ULK4: variants seen among roughly 807,000 people sequenced by gnomAD.
The protein encoded by ULK4 is inactive serine/threonine-protein kinase ULK4.
Under a neutral mutation model 160.6 loss-of-function variants are expected in ULK4, and 133 were observed. The observed-to-expected ratio is 0.83, with a 90% CI of 0.72 to 0.96. The LOEUF (loss-of-function observed/expected upper bound fraction) is 0.96, where lower values mean the gene tolerates loss of function less well. Ranked by LOEUF, ULK4 falls within the 40% of genes least tolerant of loss-of-function variation. The pLI, the probability that ULK4 is intolerant of heterozygous loss-of-function variation, is 0.00. For synonymous variants in ULK4, 534 were observed against 539.8 expected (o/e 0.99, Z 0.15); for missense variants, 1,580 against 1,499.5 (o/e 1.05, Z -0.89).
chr3:41,949,584 C>A (rs1206733860), intron 2 of ULK4, among the ~76,000 whole-genome samples: 26 of 151,274 alleles, frequency 1.7e-4, no homozygotes, highest in Non-Finnish European at 2.9e-5. Flanking sequence ...AGATGCCCAC[C>A]ACCACACCTG....
intron 35 of ULK4, among the ~76,000 whole-genome samples, chr3:41,283,635 G>A (rs143575505): frequency 1.4e-4 from 22 of 152,178 alleles, no homozygotes; most frequent in Non-Finnish European, 2.4e-4. Context: ...TCAAAACCAG[G>A]GCCTCTCAGC....
In ULK4 at chr3:41,754,500, A is replaced by G; in HGVS notation, c.2194-12T>C. 2 of 1,604,266 alleles carry G rather than the reference A, an allele frequency of 1.2e-6. No individual in the cohort carries two copies. The highest frequency in any genetic ancestry group is 1.7e-6 in the Non-Finnish European group (2 of 1,177,264). ...GTGGAGACAAAACCCTGTAGAAGAC[A>G]TTTAAACAATTTTTTGAGAGAACAT... On this transcript the variant is annotated splice_polypyrimidine_tract_variant and intron_variant, in intron 21 of 36. Transcript: ENST00000301831.
At chr3:41,782,663 C>CTATT (rs2039886139) in intron 21 of ULK4, among the ~76,000 whole-genome samples, 1 of 151,976 alleles carries the variant, frequency 6.6e-6, no homozygotes, top group Admixed American at 6.6e-5. Flanking sequence ...GGCACTATAG[C>CTATT]TATTTGCAAG....
chr3:41,804,586 G>A (rs1209660069), intron 19 of ULK4, among the ~76,000 whole-genome samples: 1 of 151,646 alleles, frequency 6.6e-6, no homozygotes, highest in Non-Finnish European at 1.5e-5. Context: ...GTATTGCCTA[G>A]GTTGTCTTCT....
chr3:41,627,701 A>C (rs1009506473), intron 30 of ULK4, among the ~76,000 whole-genome samples: 2 of 152,248 alleles, frequency 1.3e-5, no homozygotes, highest in African/African-American at 4.8e-5. Flanking sequence ...AGAGTCAAGC[A>C]GGTTAACAGA....
chr3:41,566,374 G>A (rs2087783884), intron 31 of ULK4, among the ~76,000 whole-genome samples: 1 of 152,174 alleles, frequency 6.6e-6, no homozygotes, highest in South Asian at 2.1e-4. Context: ...CTGCCCATGA[G>A]CTGAGAGATA....
chr3:41,552,733 GA>G (rs34052124), intron 32 of ULK4, among the ~76,000 whole-genome samples: 77,267 of 149,938 alleles, frequency 0.52, 19,843 homozygotes, highest in Middle Eastern at 0.57. Flanking sequence ...TACAGAAATA[GA>G]AAAAAAAAAT....
rs781026764 is a variant in ULK4, at chr3:41,715,403, G to T, written c.2577+44C>A. On this transcript the variant is annotated intron_variant, in intron 24 of 36. Coordinates refer to ENST00000301831, the MANE Select transcript of ULK4 (RefSeq NM_017886.4). ...GATTCTCAGCTCCAGTTTACAAAGA[G>T]AAGAGGCAAATTTATATCCTTTTCC... is the stretch of plus-strand genomic sequence containing the variant. 6.2e-6 allele frequency: 10 copies of T among 1,613,406 alleles called. No individual in the cohort carries two copies. The Admixed American group carries it at 1.0e-4, about 16-fold the overall frequency.
intron 35 of ULK4, among the ~76,000 whole-genome samples, chr3:41,284,631 C>G (rs1021255093): frequency 6.6e-6 from 1 of 152,112 alleles, no homozygotes; most frequent in Non-Finnish European, 1.5e-5. Flanking sequence ...AGACCTGAAA[C>G]TATAAAAATT....
chr3:41,680,893 T>C (rs964915978), intron 29 of ULK4, among the ~76,000 whole-genome samples: 15 of 152,220 alleles, frequency 9.9e-5, no homozygotes, highest in Admixed American at 2.6e-4. Flanking sequence ...TTTGATAAAA[T>C]TGACAGTGTC....
intron 31 of ULK4, among the ~76,000 whole-genome samples, chr3:41,594,591 G>A (rs1372593864): frequency 6.6e-6 from 1 of 152,180 alleles, no homozygotes; most frequent in African/African-American, 2.4e-5. Context: ...AAGAATACAG[G>A]TGAAGGGGTG....
At chr3:41,504,687 A>T (rs2085319916) in intron 32 of ULK4, among the ~76,000 whole-genome samples, 1 of 152,202 alleles carries the variant, frequency 6.6e-6, no homozygotes, top group South Asian at 2.1e-4. Flanking sequence ...GTCGTAAAAA[A>T]TCTCCAGTGA....
At chr3:41,556,216 G>A (rs1016176043) in intron 32 of ULK4, among the ~76,000 whole-genome samples, 1 of 151,992 alleles carries the variant, frequency 6.6e-6, no homozygotes, top group Non-Finnish European at 1.5e-5. Context: ...TATAAGAAAT[G>A]GTAATGGGGC....
At chr3:41,945,112 T>C (rs1438146276) in intron 2 of ULK4, among the ~76,000 whole-genome samples, 1 of 152,158 alleles carries the variant, frequency 6.6e-6, no homozygotes, top group Non-Finnish European at 1.5e-5. Context: ...AGAGGAGCAC[T>C]GGCCCCTGTC....
intron 22 of ULK4, among the ~76,000 whole-genome samples, chr3:41,753,553 T>C (rs1312421497): frequency 6.6e-6 from 1 of 152,148 alleles, no homozygotes; most frequent in Admixed American, 6.5e-5. Flanking sequence ...GCTCCTCCTT[T>C]TAGAGCAAAG....
intron 31 of ULK4, among the ~76,000 whole-genome samples, chr3:41,600,565 T>C (rs1424541620): frequency 6.6e-6 from 1 of 152,212 alleles, no homozygotes; most frequent in Non-Finnish European, 1.5e-5. Flanking sequence ...CACTGCAGCT[T>C]GTGAACAACA....
intron 35 of ULK4, among the ~76,000 whole-genome samples, chr3:41,319,647 A>T (rs1355882379): frequency 6.6e-6 from 1 of 152,236 alleles, no homozygotes; most frequent in African/African-American, 2.4e-5. Flanking sequence ...CATTTTTTAA[A>T]CATCTAACAT....
intron 4 of ULK4, among the ~76,000 whole-genome samples, chr3:41,933,362 C>T (rs1330324721): frequency 6.6e-6 from 1 of 152,166 alleles, no homozygotes; most frequent in Non-Finnish European, 1.5e-5. Context: ...CTTTACGAGC[C>T]ATACAGTCTT....
intron 21 of ULK4, among the ~76,000 whole-genome samples, chr3:41,759,374 A>G (rs1047339908): frequency 1.4e-4 from 22 of 152,172 alleles, no homozygotes; most frequent in African/African-American, 5.1e-4. Flanking sequence ...TTAAAGTACC[A>G]CTTTTCAATA....
Sources: allele counts gnomAD v4.1 joint callset (sites outside exome capture counted in the v4.1 genomes callset), GRCh38; gene constraint gnomAD v4.1.1; transcripts MANE v1.5; gene names NCBI Gene and HGNC (gene_info 2026-07-23, HGNC 2026-07-21).